VPS53: variants seen among roughly 807,000 people sequenced by gnomAD.
The protein encoded by VPS53 is vacuolar protein sorting-associated protein 53 homolog.
Under a neutral mutation model 107.0 loss-of-function variants are expected in VPS53, and 70 were observed. The observed-to-expected ratio is 0.65, with a 90% CI of 0.54 to 0.80. The LOEUF is 0.80. Among genes scored for constraint, VPS53 ranks in the 30% least tolerant of loss-of-function variants. The pLI, the probability that VPS53 is intolerant of heterozygous loss-of-function variation, is 0.00. For synonymous variants in VPS53, 409 were observed against 393.3 expected, an observed-to-expected ratio of 1.04 and a Z score of -0.47; for missense variants, 917 against 1,049.4, an observed-to-expected ratio of 0.87 and a Z score of 1.74.
At chr17:636,507 G>T (rs1343455227) in intron 7 of VPS53, among the ~76,000 whole-genome samples, 4 of 152,200 alleles carry the variant, frequency 2.6e-5, no homozygotes. Flanking sequence ...TTTTCAAAGG[G>T]AATGCTTCCA....
chr17:637,250 G>A (rs1435359676), intron 7 of VPS53, among the ~76,000 whole-genome samples: 1 of 152,136 alleles, frequency 6.6e-6, no homozygotes, highest in Non-Finnish European at 1.5e-5. Context: ...ATTTCTGTGG[G>A]ATCAGTGGTG....
intron 4 of VPS53, among the ~76,000 whole-genome samples, chr17:678,796 G>A (rs968391136): frequency 2.4e-4 from 36 of 152,092 alleles, no homozygotes; most frequent in African/African-American, 8.7e-4. Flanking sequence ...CCGCCATCAC[G>A]CCTGGCTAAT....
At position 643,255 on chromosome 17, in the gene VPS53, GGAAAGTGAGGACAACACTCATACTT is replaced by G. The variant is rs1452283693; in HGVS notation, c.608+10011_608+10035del. ...GAAACCGAGGACAACACTCATACTT[GGAAAGTGAGGACAACACTCATACTT>G]GGAAAGTGAGGACAACACTCATACT... On this transcript the variant is annotated intron_variant, in intron 7 of 21. Coordinates refer to ENST00000437048, the MANE Select transcript of VPS53 (RefSeq NM_001128159.3). Among the ~76,000 whole-genome samples the G allele has an allele frequency of 1.5e-4, 4 of 25,808 alleles. 1 individual carries two copies. Among genetic ancestry groups the G allele is most frequent in the Non-Finnish European group, 5.9e-4 (4 of 6,784 alleles). 16.9% of individuals were successfully genotyped at this position (25,808 alleles called of 152,430 possible). A position where few individuals can be genotyped will look rare whatever the true frequency, so the allele number is the denominator to read the frequency against.
At chr17:705,082 G>A (rs968763374) in intron 2 of VPS53, among the ~76,000 whole-genome samples, 2 of 151,918 alleles carry the variant, frequency 1.3e-5, no homozygotes, top group East Asian at 1.9e-4. Context: ...CACAATGATG[G>A]GGATCAAGAG....
chr17:529,308 C>G (rs1366437234), intron 19 of VPS53, among the ~76,000 whole-genome samples: 1 of 152,106 alleles, frequency 6.6e-6, no homozygotes, highest in African/African-American at 2.4e-5. Context: ...GCTTTAACTC[C>G]TCCAATTCTG....
At chr17:696,432 T>C (rs61277716) in intron 4 of VPS53, among the ~76,000 whole-genome samples, 2,265 of 152,220 alleles carry the variant, frequency 0.015, 66 homozygotes, top group African/African-American at 0.051. Flanking sequence ...TTAGCTGTCC[T>C]AAAAAATGTC....
intron 17 of VPS53, among the ~76,000 whole-genome samples, chr17:549,346 G>A (rs1025942124): frequency 1.3e-5 from 2 of 152,112 alleles, no homozygotes; most frequent in African/African-American, 4.8e-5. Flanking sequence ...TAGAACTCCA[G>A]AAGACTCAGA....
chr17:685,569 A>T (rs1479962666), intron 4 of VPS53, among the ~76,000 whole-genome samples: 1 of 152,204 alleles, frequency 6.6e-6, no homozygotes, highest in Admixed American at 6.5e-5. Context: ...AATTTAAGGC[A>T]CGGTAGGCTA....
chr17:705,653 T>C (rs1463572575), intron 2 of VPS53: 1 of 152,042 alleles, frequency 6.6e-6, no homozygotes, highest in Non-Finnish European at 1.5e-5. Context: ...GACAGGGGAA[T>C]TGCTTGAACC....
chr17:619,763 G>GGC (rs1969380491), intron 11 of VPS53, among the ~76,000 whole-genome samples: 4 of 137,340 alleles, frequency 2.9e-5, no homozygotes, highest in Non-Finnish European at 6.3e-5. Context: ...TGGGACTACA[G>GGC]GCGTGCACCA....
intron 12 of VPS53, among the ~76,000 whole-genome samples, chr17:589,380 T>C (rs1439492567): frequency 6.6e-6 from 1 of 152,166 alleles, no homozygotes; most frequent in Non-Finnish European, 1.5e-5. Context: ...TGTTAAATTT[T>C]CTGATTTTGA....
In VPS53 at chr17:551,936, C is replaced by T. The variant is rs2151837881; in HGVS notation, c.1802G>A (p.Ser601Asn). 1 of 1,599,722 alleles carries T rather than the reference C, an allele frequency of 6.3e-7. No homozygotes were observed. ...MDTFSTVISS[S>N]IQLLVQDLDA... is the part of the protein sequence containing the mutation. ...CAGATCCTGAACCAGCAGCTGAATA[C>T]TGCTGGAGATGACGCTGCAAATCAA... Residue 601 changes from serine (S) to asparagine (N), a missense_variant, in exon 17 of 22, where the codon AGT becomes AAT. Physicochemically the swap from Ser to Asn is conservative, Grantham distance 46 (BLOSUM62 1). Coordinates refer to ENST00000437048, the MANE Select transcript of VPS53 (RefSeq NM_001128159.3).
chr17:675,753 C>T lies in VPS53; in HGVS notation c.286-13858G>A, dbSNP rs1012075666. 4 of 118,902 alleles carry T rather than the reference C, an allele frequency of 3.4e-5. 1 individual carries two copies. The highest frequency in any genetic ancestry group is 6.6e-5 in the Non-Finnish European group (4 of 60,974). 7.4% of individuals were successfully genotyped at this position (118,902 alleles called of 1,614,324 possible). A position where few individuals can be genotyped will look rare whatever the true frequency, so the allele number is the denominator to read the frequency against. ...CACACCTCCATCCTGGGCGACAGGGCGAGACTCCCATCTCAAAAAAAAAAA... is the reference window on the plus strand; with the variant it reads ...CACACCTCCATCCTGGGCGACAGGGTGAGACTCCCATCTCAAAAAAAAAAA... On this transcript the variant is annotated intron_variant, in intron 4 of 21. Transcript: ENST00000437048.
At chr17:709,886 C>G (rs1156769697) in intron 2 of VPS53, among the ~76,000 whole-genome samples, 1 of 152,160 alleles carries the variant, frequency 6.6e-6, no homozygotes, top group Non-Finnish European at 1.5e-5. Context: ...GTGGCTCACG[C>G]CTGTAATCCC....
intron 4 of VPS53, among the ~76,000 whole-genome samples, chr17:672,777 A>C (rs1355924044): frequency 1.3e-5 from 2 of 152,360 alleles, no homozygotes; most frequent in South Asian, 2.1e-4. Context: ...TAAGGAATAC[A>C]TGTCTGAATT....
At chr17:545,088 GA>G (rs1911078822) in intron 17 of VPS53, among the ~76,000 whole-genome samples, 1 of 152,094 alleles carries the variant, frequency 6.6e-6, no homozygotes, top group Non-Finnish European at 1.5e-5. Context: ...TTTTATGAAA[GA>G]AAGAAAATAA....
intron 11 of VPS53, among the ~76,000 whole-genome samples, chr17:622,389 A>T (rs78804137): frequency 7.4e-5 from 1 of 13,598 alleles, no homozygotes; most frequent in African/African-American, 1.2e-4. Context: ...CCCGCAGTTT[A>T]AAAAAAAAAA....
chr17:543,561 A>G (rs1197756483), intron 17 of VPS53, among the ~76,000 whole-genome samples: 1 of 151,810 alleles, frequency 6.6e-6, no homozygotes. Context: ...CATGAGACCA[A>G]CAGCCCCTGC....
In VPS53 at chr17:514,493, G is replaced by GGGAAGGAA. The variant is rs1908161062; in HGVS notation, c.*4634_*4635insTTCCTTCC. 3 of 146,050 alleles carry GGGAAGGAA rather than the reference G, an allele frequency of 2.1e-5. No homozygotes were observed. Among genetic ancestry groups the GGGAAGGAA allele is most frequent in the South Asian group, 2.2e-4 (1 of 4,526 alleles). The allele number at this position is 146,050 out of a possible 1,614,324, so 9.0% of individuals were successfully genotyped here. ...CAGGTTATTCTGAGTGCTCTTCCTA[G>GGGAAGGAA]CCAAGGAATCCCATTTCCAGCAGGT... is the stretch of plus-strand genomic sequence containing the variant. On this transcript the variant is annotated 3_prime_UTR_variant, in exon 22 of 22. Coordinates refer to ENST00000437048, the MANE Select transcript of VPS53 (RefSeq NM_001128159.3).
Sources: allele counts gnomAD v4.1 joint callset (sites outside exome capture counted in the v4.1 genomes callset), GRCh38; gene constraint gnomAD v4.1.1; transcripts MANE v1.5; gene names NCBI Gene and HGNC (gene_info 2026-07-23, HGNC 2026-07-21).